Variants in ABCC2 observed in about 807,000 individuals in gnomAD.
ABCC2 encodes ATP binding cassette subfamily C member 2.
A neutral mutation model predicts 173.4 loss-of-function variants in ABCC2; 157 were observed. The observed-to-expected ratio is 0.91, with a 90% confidence interval of 0.80 to 1.03. The LOEUF is 1.03. Among genes scored for constraint, ABCC2 ranks in the 50% least tolerant of loss-of-function variants. The probability of loss-of-function intolerance (pLI) is 0.00; values close to 1 mark genes in which losing one functional copy is unlikely to be tolerated. For synonymous variants in ABCC2, 657 were observed against 693.5 expected (o/e 0.95, Z 0.83); for missense variants, 1,822 against 1,852.3 (o/e 0.98, Z 0.30).
chr10:99,792,511 A>G (rs1488663312), intron 3 of ABCC2, 152 bp downstream of exon 3: 14 of 1,177,490 alleles, frequency 1.2e-5, no homozygotes, highest in Non-Finnish European at 1.7e-5. Flanking sequence ...AATGGGGTGA[A>G]ACAAATTTTA....
chr10:99,814,120 C>CACATATATATACACATATATGTGTATAT (rs1463076107), intron 16 of ABCC2, among the ~76,000 whole-genome samples: 1 of 131,606 alleles, frequency 7.6e-6, no homozygotes, highest in African/African-American at 2.9e-5. Context: ...TGTGTATATA[C>CACATATATATACACATATATGTGTATAT]ACACATATGT....
chr10:99,803,998 A>G, intron 9 of ABCC2, 21 bp from the exon 10 acceptor site: 1 of 1,614,030 alleles, frequency 6.2e-7, no homozygotes, highest in Non-Finnish European at 8.5e-7. Context: ...CATGGGTCCT[A>G]ATTTCAATCC....
chr10:99,825,390 C>T (rs2038617966), intron 19 of ABCC2, among the ~76,000 whole-genome samples: 1 of 152,228 alleles, frequency 6.6e-6, no homozygotes, highest in Non-Finnish European at 1.5e-5. Context: ...ATGATAGAGA[C>T]ATCTGCTCCA....
At chr10:99,831,071 C>G (rs1451715158) in intron 21 of ABCC2, among the ~76,000 whole-genome samples, 1 of 152,190 alleles carries the variant, frequency 6.6e-6, no homozygotes, top group Non-Finnish European at 1.5e-5. Context: ...ATGTCCTCAT[C>G]CTACACTTCA....
intron 16 of ABCC2, among the ~76,000 whole-genome samples, chr10:99,814,257 A>ATG (rs2038298270): frequency 1.1e-4 from 5 of 45,922 alleles, no homozygotes; most frequent in African/African-American, 3.9e-4. Context: ...ACGTATGTAT[A>ATG]CACACGTATG....
In ABCC2 at chr10:99,811,615, C is replaced by A; in HGVS notation, c.1967+13C>A. The A allele has an allele frequency of 6.2e-7, 1 of 1,613,938 alleles. No individual in the cohort carries two copies. Among genetic ancestry groups the A allele is most frequent in the Middle Eastern group, 1.7e-4 (1 of 6,060 alleles). Reference sequence around the variant, plus strand: ...CCACAGTCCGAGAGTGAGTTGCCTTCTTTCCATCCTAATGTTCTTTAGCAT... The same window carrying A: ...CCACAGTCCGAGAGTGAGTTGCCTTATTTCCATCCTAATGTTCTTTAGCAT... On this transcript the variant is annotated intron_variant, in intron 15 of 31. Coordinates refer to ENST00000647814, the MANE Select transcript of ABCC2 (RefSeq NM_000392.5).
intron 23 of ABCC2, among the ~76,000 whole-genome samples, chr10:99,833,262 T>A (rs1453212404): frequency 6.6e-6 from 1 of 152,132 alleles, no homozygotes; most frequent in Non-Finnish European, 1.5e-5. Context: ...GAACACTCAA[T>A]TTTGGGTGAG....
intron 12 of ABCC2, 135 bp downstream of exon 12, chr10:99,807,656 A>G: frequency 9.5e-6 from 12 of 1,269,508 alleles, no homozygotes; most frequent in Admixed American, 1.9e-5. Flanking sequence ...TGTCCCTCTC[A>G]CCGCCCCATG....
chr10:99,807,327 C>A, intron 11 of ABCC2, 57 bp from the exon 12 acceptor site: 2 of 1,608,870 alleles, frequency 1.2e-6, no homozygotes, highest in South Asian at 2.2e-5. Context: ...GGATCAGATA[C>A]ACCTGGTGCC....
intron 25 of ABCC2, among the ~76,000 whole-genome samples, chr10:99,839,434 T>C (rs1403204806): frequency 5.4e-5 from 3 of 55,396 alleles, no homozygotes; most frequent in African/African-American, 2.2e-4. Flanking sequence ...CCCACCTCCC[T>C]CCCGGACGGG....
At chr10:99,842,482 G>A (rs1043811308) in intron 26 of ABCC2, among the ~76,000 whole-genome samples, 17 of 152,146 alleles carry the variant, frequency 1.1e-4, no homozygotes, top group South Asian at 4.1e-4. Flanking sequence ...TTCTTAGATC[G>A]TAGAATAATT....
chr10:99,821,484 C>G (rs1165663291), intron 19 of ABCC2, among the ~76,000 whole-genome samples: 1 of 152,134 alleles, frequency 6.6e-6, no homozygotes, highest in Non-Finnish European at 1.5e-5. Flanking sequence ...ACCTGGCTTT[C>G]CTAGGCAGAG....
At chr10:99,796,149 G>A (rs2037907644) in intron 6 of ABCC2, among the ~76,000 whole-genome samples, 1 of 152,096 alleles carries the variant, frequency 6.6e-6, no homozygotes, top group South Asian at 2.1e-4. Context: ...GATCACTTGA[G>A]GTCAGGAGTT....
In ABCC2 at chr10:99,816,246, G is replaced by A. The variant is rs564351672; in HGVS notation, c.2095-1062G>A. On this transcript the variant is annotated intron_variant, in intron 16 of 31. Transcript: ENST00000647814. ...CTCCCAGTGTGCTGGAATTACAGGC[G>A]TGAGCCACCGCGCCCGGCCTCCATC... Among the ~76,000 whole-genome samples, 5 of 151,840 alleles carry A rather than the reference G, an allele frequency of 3.3e-5. No individual in the cohort carries two copies. The South Asian group carries it at 6.2e-4, about 19-fold the overall frequency.
intron 13 of ABCC2, 45 bp from the exon 14 acceptor site, chr10:99,810,089 T>A: frequency 6.4e-7 from 1 of 1,551,152 alleles, no homozygotes; most frequent in Non-Finnish European, 8.9e-7. Context: ...CTGCTTGTGC[T>A]CGTTACTGAC....
At chr10:99,839,398 G>A (rs1246580779) in intron 25 of ABCC2, among the ~76,000 whole-genome samples, 5 of 80,396 alleles carry the variant, frequency 6.2e-5, no homozygotes, top group African/African-American at 2.3e-4. Context: ...CGGACGGGGC[G>A]GCTGGCCGGG....
chr10:99,829,921 T>C (rs1368182972), intron 19 of ABCC2, among the ~76,000 whole-genome samples: 1 of 152,178 alleles, frequency 6.6e-6, no homozygotes, highest in Non-Finnish European at 1.5e-5. Context: ...CCACCACGCC[T>C]GGCCAAGATG....
Position 99,794,460 on chromosome 10 carries a change from G to T in ABCC2, c.624G>T (p.Trp208Cys). The T allele has an allele frequency of 6.2e-7, 1 of 1,613,310 alleles. No individual in the cohort carries two copies. Among genetic ancestry groups the T allele is most frequent in the Middle Eastern group, 1.7e-4 (1 of 6,058 alleles). The change falls in exon 6 of 32, where the codon TGG becomes TGT. Residue 208 changes from tryptophan (W) to cysteine (C), a missense_variant. Physicochemically the swap from Trp to Cys is radical, Grantham distance 215 (BLOSUM62 -2). Coordinates refer to ENST00000647814, the MANE Select transcript of ABCC2 (RefSeq NM_000392.5). ...TCCTGAGTAGCATTACCTACAGCTG[G>T]TATGACAGGTAGGAAAGCCTGGAGT... is the stretch of plus-strand genomic sequence containing the variant. ...ASFLSSITYS[W>C]YDSIILKGYK...
chr10:99,849,807 C>A (rs1430804545), intron 30 of ABCC2, among the ~76,000 whole-genome samples: 1 of 152,194 alleles, frequency 6.6e-6, no homozygotes, highest in East Asian at 1.9e-4. Flanking sequence ...TTGGCCACCC[C>A]CTGTTTAATA....
Sources: gnomAD v4.1 joint callset for allele counts (sites outside exome capture counted in the v4.1 genomes callset) on GRCh38, gnomAD v4.1.1 for gene constraint, MANE v1.5 for transcripts, NCBI Gene and HGNC (gene_info 2026-07-23, HGNC 2026-07-21) for gene names.